The following A2ML1 variants were observed in gnomAD, a reference collection of about 807,000 sequenced individuals.
A2ML1 encodes the protein alpha-2-macroglobulin-like protein 1.
A2ML1 carries 161 observed loss-of-function variants against 181.9 expected under a neutral mutation model. That is an observed-to-expected ratio of 0.89 (90% confidence interval 0.78 to 1.01). The LOEUF is 1.01. Ranked by LOEUF, A2ML1 falls within the 50% of genes least tolerant of loss-of-function variation. The pLI, the probability that A2ML1 is intolerant of heterozygous loss-of-function variation, is 0.00. For synonymous variants in A2ML1, 663 were observed against 666.8 expected (o/e 0.99, Z 0.09); for missense variants, 1,670 against 1,768.1 (o/e 0.94, Z 1.00).
intron 12 of A2ML1, among the ~76,000 whole-genome samples, chr12:8,843,721 CTT>C (rs756360339): frequency 1.6e-4 from 21 of 133,568 alleles, no homozygotes; most frequent in African/African-American, 2.5e-4. Flanking sequence ...CTTTTTTTTT[CTT>C]TTTTTTTTTT....
intron 23 of A2ML1, 43 bp from the exon 24 acceptor site, chr12:8,857,121 C>G (rs746978682): frequency 2.5e-6 from 4 of 1,580,244 alleles, no homozygotes; most frequent in Non-Finnish European, 2.6e-6. Context: ...AGGGTCCCTT[C>G]TTCTCTGTAC....
At chr12:8,837,261 A>G (rs978721135) in intron 7 of A2ML1, among the ~76,000 whole-genome samples, 179 bp from the exon 8 acceptor site, 4 of 151,680 alleles carry the variant, frequency 2.6e-5, no homozygotes, top group South Asian at 2.1e-4. Context: ...CTCAAGTAAT[A>G]CACCTGTCTC....
intron 11 of A2ML1, among the ~76,000 whole-genome samples, chr12:8,842,329 T>C (rs1423895685): frequency 1.3e-5 from 2 of 152,004 alleles, no homozygotes; most frequent in South Asian, 2.1e-4. Flanking sequence ...GCCATTCTCC[T>C]GCCTCAGCCT....
chr12:8,857,627 A>G, intron 25 of A2ML1, 39 bp downstream of exon 25: 1 of 1,587,964 alleles, frequency 6.3e-7, no homozygotes, highest in Non-Finnish European at 8.6e-7. Context: ...TGTACTCCAG[A>G]GCATAATTCC....
At chr12:8,872,273 A>G (rs1296015343) in intron 33 of A2ML1, among the ~76,000 whole-genome samples, 1 of 152,020 alleles carries the variant, frequency 6.6e-6, no homozygotes, top group Non-Finnish European at 1.5e-5. Context: ...CAAATGATAG[A>G]AAAGAACAGT....
intron 26 of A2ML1, among the ~76,000 whole-genome samples, chr12:8,859,617 G>A (rs1347995347): frequency 6.6e-6 from 1 of 151,896 alleles, no homozygotes; most frequent in Non-Finnish European, 1.5e-5. Flanking sequence ...CTGTTGTACA[G>A]GCTGGAGTGT....
Position 8,850,228 on chromosome 12 carries a change from C to T in A2ML1, c.2188C>T (p.Arg730Cys), listed in dbSNP as rs753349449. ...ACATCAAGCAGAGGATTCTCAGGTC[C>T]GCCAGTACTTCCCAGAGACCTGGCT... is the stretch of plus-strand genomic sequence containing the variant. ...PLHQAEDSQV[R>C]QYFPETWLWD... Residue 730 changes from arginine (R) to cysteine (C), a missense_variant, in exon 18 of 36, where the codon CGC (arginine) becomes TGC (cysteine). Transcript: ENST00000299698. 29 of 1,613,290 alleles carry T rather than the reference C, an allele frequency of 1.8e-5. No individual in the cohort carries two copies. The highest frequency in any genetic ancestry group is 6.6e-5 in the South Asian group (6 of 90,968).
chr12:8,886,461 C>T (rs1944922482), intron 7 of A2ML1: 1 of 152,186 alleles, frequency 6.6e-6, no homozygotes, highest in Non-Finnish European at 1.5e-5. Context: ...GACCTTGAAT[C>T]CAGCAACCTT....
downstream of A2ML1, among the ~76,000 whole-genome samples, chr12:8,881,729 T>C (rs1284455310): frequency 6.6e-6 from 1 of 151,962 alleles, no homozygotes; most frequent in Non-Finnish European, 1.5e-5. Context: ...TAAGTTTGAG[T>C]GGCTGGGTGT....
At chr12:8,836,139 G>T in intron 6 of A2ML1, 116 bp from the exon 7 acceptor site, 1 of 757,472 alleles carries the variant, frequency 1.3e-6, no homozygotes, top group South Asian at 1.8e-5. Flanking sequence ...CCTAAATAAT[G>T]CCTCCTTCAT....
chr12:8,867,352 A>C (rs1056863894), intron 29 of A2ML1, among the ~76,000 whole-genome samples: 1 of 152,228 alleles, frequency 6.6e-6, no homozygotes, highest in Non-Finnish European at 1.5e-5. Context: ...GATTTTCTAT[A>C]AAAGCATGCT....
chr12:8,882,291 A>C (rs1355336458), intron 7 of A2ML1, among the ~76,000 whole-genome samples: 2 of 152,186 alleles, frequency 1.3e-5, no homozygotes, highest in Non-Finnish European at 2.9e-5. Context: ...TCTTCCCATA[A>C]CAATGGCCTC....
rs773327464 is a variant in A2ML1, at chr12:8,847,618, C to G, written c.1753C>G (p.Pro585Ala). Reference protein sequence around the residue: ...AEVELQLQAAPGSLCALRAVD... With the variant: ...AEVELQLQAAAGSLCALRAVD... Reference sequence around the variant, plus strand: ...AGTGGAGCTGCAGCTGCAGGCAGCTCCCGGATCCCTGTGTGCGCTCCGGGC... The same window carrying G: ...AGTGGAGCTGCAGCTGCAGGCAGCTGCCGGATCCCTGTGTGCGCTCCGGGC... The change falls in exon 15 of 36, where the codon CCC becomes GCC. Residue 585 changes from proline (P) to alanine (A), a missense_variant. Coordinates refer to ENST00000299698, the MANE Select transcript of A2ML1 (RefSeq NM_144670.6). 1 of 1,613,746 alleles carries G rather than the reference C, an allele frequency of 6.2e-7. No homozygotes were observed.
intron 5 of A2ML1, chr12:8,834,890 A>G (rs1943222707): frequency 1.7e-6 from 1 of 592,434 alleles, no homozygotes; most frequent in Non-Finnish European, 3.0e-6. Context: ...TTCAGTAGAC[A>G]AGGACACCAG....
chr12:8,879,179 G>A (rs141673750), downstream of A2ML1, among the ~76,000 whole-genome samples: 1,559 of 152,066 alleles, frequency 0.01, 15 homozygotes, highest in Non-Finnish European at 0.015. Flanking sequence ...AAGGAAGAGA[G>A]CAGAGGGAAC....
intron 33 of A2ML1, among the ~76,000 whole-genome samples, chr12:8,873,960 C>A (rs1944712284): frequency 1.3e-5 from 2 of 151,868 alleles, no homozygotes; most frequent in African/African-American, 4.8e-5. Flanking sequence ...CTTTAAGACT[C>A]ATAGGGCAGT....
chr12:8,843,211 G>A lies in A2ML1; in HGVS notation c.1326G>A (p.Leu442=). 1 of 1,614,194 alleles carries A rather than the reference G, an allele frequency of 6.2e-7. No homozygotes were observed. Among genetic ancestry groups the A allele is most frequent in the Non-Finnish European group, 8.5e-7 (1 of 1,180,042 alleles). ...PRYYQNAYLH[L]RPFYSTTRSF... Reference sequence around the variant, plus strand: ...ACTACCAAAATGCCTACCTGCACCTGCGACCCTTCTACAGCACAACCCGCA... The same window carrying A: ...ACTACCAAAATGCCTACCTGCACCTACGACCCTTCTACAGCACAACCCGCA... The change falls in exon 12 of 36, where the codon CTG becomes CTA. Residue 442 remains leucine, a synonymous_variant. Coordinates refer to ENST00000299698, the MANE Select transcript of A2ML1 (RefSeq NM_144670.6).
intron 12 of A2ML1, among the ~76,000 whole-genome samples, chr12:8,843,885 A>T (rs997386287): frequency 1.1e-4 from 17 of 151,274 alleles, no homozygotes; most frequent in African/African-American, 3.9e-4. Flanking sequence ...CGCCCAGCTA[A>T]TTTTTTTTGT....
chr12:8,846,935 A>AT (rs950961767), intron 14 of A2ML1, among the ~76,000 whole-genome samples: 66 of 151,058 alleles, frequency 4.4e-4, no homozygotes, highest in South Asian at 6.3e-4. Flanking sequence ...GACCCTGTCT[A>AT]TTTTTTTTAT....
Sources: allele counts gnomAD v4.1 joint callset (sites outside exome capture counted in the v4.1 genomes callset), GRCh38; gene constraint gnomAD v4.1.1; transcripts MANE v1.5; gene names NCBI Gene and HGNC (gene_info 2026-07-23, HGNC 2026-07-21).